The following HMGB1 variants were observed in gnomAD, a reference collection of about 807,000 sequenced individuals.
The protein encoded by HMGB1 is high mobility group protein B1.
For synonymous variants in HMGB1, 81 were observed against 84.0 expected (o/e 0.96, Z 0.19); for missense variants, 79 against 253.5 (o/e 0.31, Z 4.67).
At chr13:30,573,609 C>T (rs1018436577) in intron 1 of HMGB1, among the ~76,000 whole-genome samples, 17 of 150,456 alleles carry the variant, frequency 1.1e-4, no homozygotes, top group Admixed American at 9.9e-4. Flanking sequence ...CAAATAAATA[C>T]TGGAGAGGAA....
chr13:30,605,223 G>T (rs902628396), intron 1 of HMGB1, among the ~76,000 whole-genome samples: 35 of 152,344 alleles, frequency 2.3e-4, no homozygotes, highest in Non-Finnish European at 1.3e-4. Context: ...CCAAGTGAAT[G>T]TATCAGGTAG....
upstream of HMGB1, chr13:30,466,066 A>C (rs1886771362): frequency 1.9e-6 from 1 of 517,772 alleles, no homozygotes; most frequent in Non-Finnish European, 2.5e-6. Context: ...GTCATCAAGG[A>C]TTGAAACAGC....
At chr13:30,530,443 T>C (rs1324167615) in intron 1 of HMGB1, among the ~76,000 whole-genome samples, 1 of 152,218 alleles carries the variant, frequency 6.6e-6, no homozygotes, top group African/African-American at 2.4e-5. Flanking sequence ...AACTCATACA[T>C]GTACTGCTGG....
intron 1 of HMGB1, among the ~76,000 whole-genome samples, chr13:30,552,115 CTTTT>C (rs774864877): frequency 7.2e-5 from 11 of 152,136 alleles, no homozygotes; most frequent in Non-Finnish European, 1.5e-4. Context: ...TTCTCCTCTC[CTTTT>C]TTTATTTCAG....
At chr13:30,506,578 A>T (rs1566009448) in intron 1 of HMGB1, among the ~76,000 whole-genome samples, 1 of 152,096 alleles carries the variant, frequency 6.6e-6, no homozygotes, top group Non-Finnish European at 1.5e-5. Flanking sequence ...ACCTTCTGTC[A>T]GTCATTCTGC....
At chr13:30,502,542 G>A (rs1270290007) in intron 1 of HMGB1, among the ~76,000 whole-genome samples, 1 of 152,004 alleles carries the variant, frequency 6.6e-6, no homozygotes, top group African/African-American at 2.4e-5. Flanking sequence ...TGGATGTATA[G>A]GCACATCATA....
intron 1 of HMGB1, among the ~76,000 whole-genome samples, chr13:30,527,768 G>T (rs888324634): frequency 1.3e-5 from 2 of 152,030 alleles, no homozygotes; most frequent in Non-Finnish European, 2.9e-5. Context: ...CCAGAGAAGG[G>T]AATCAAAGCT....
intron 1 of HMGB1, among the ~76,000 whole-genome samples, chr13:30,505,245 C>T (rs1887827708): frequency 6.6e-6 from 1 of 152,014 alleles, no homozygotes; most frequent in African/African-American, 2.4e-5. Flanking sequence ...GTGGCGCCAT[C>T]TCAGCTCACT....
chr13:30,572,938 A>G (rs964263250), intron 1 of HMGB1, among the ~76,000 whole-genome samples: 2 of 152,242 alleles, frequency 1.3e-5, no homozygotes, highest in African/African-American at 4.8e-5. Context: ...TACAGATGCC[A>G]AGGGCTGACA....
At chr13:30,469,052 C>T (rs187420077), upstream of HMGB1, among the ~76,000 whole-genome samples, 8 of 152,186 alleles carry the variant, frequency 5.3e-5, no homozygotes, top group East Asian at 1.6e-3. Flanking sequence ...CACCACCATG[C>T]CTGGGTAATT....
Position 30,522,386 on chromosome 13 carries a change from G to T in HMGB1, c.-14-58692C>A, listed in dbSNP as rs186402328. 9.9e-4 allele frequency among the ~76,000 whole-genome samples: 150 copies of T among 152,238 alleles called. 1 individual carries two copies. Among genetic ancestry groups the T allele is most frequent in the Middle Eastern group, 6.8e-3 (2 of 294 alleles). ...CTTAAAGTGTTGGGATTATAGGTGT[G>T]AGCCACTGTGCCTGGACATAATCTC... On this transcript the variant is annotated intron_variant, in intron 1 of 4. Transcript: ENST00000405805.
At chr13:30,469,646 A>G (rs756733617), upstream of HMGB1, among the ~76,000 whole-genome samples, 28 of 57,218 alleles carry the variant, frequency 4.9e-4, 8 homozygotes, top group Non-Finnish European at 1.2e-3. Flanking sequence ...TTATTTATTT[A>G]TTTGAGACGG....
intron 1 of HMGB1, among the ~76,000 whole-genome samples, chr13:30,597,695 A>C (rs1043204178): frequency 6.6e-6 from 1 of 152,344 alleles, no homozygotes; most frequent in African/African-American, 2.4e-5. Flanking sequence ...TTTTTCTGCA[A>C]AAGGTCAGAT....
chr13:30,522,994 G>A (rs746290386), intron 1 of HMGB1, among the ~76,000 whole-genome samples: 18 of 152,176 alleles, frequency 1.2e-4, no homozygotes, highest in East Asian at 3.8e-4. Context: ...GATTACAGGC[G>A]TGAGCCACTG....
intron 1 of HMGB1, among the ~76,000 whole-genome samples, chr13:30,474,854 G>GTT (rs1275635810): frequency 3.0e-5 from 2 of 67,652 alleles, no homozygotes; most frequent in African/African-American, 5.1e-5. Context: ...CTCTTTTTTT[G>GTT]TTTTTTTTTT....
intron 1 of HMGB1, among the ~76,000 whole-genome samples, chr13:30,502,621 T>C (rs370024901): frequency 9.9e-5 from 15 of 151,338 alleles, no homozygotes; most frequent in Admixed American, 2.7e-4. Flanking sequence ...ATTATCTAGG[T>C]ATGCAGATTT....
At position 30,541,388 on chromosome 13, in the gene HMGB1, T is replaced by G. The variant is rs74969531; in HGVS notation, c.-15+75283A>C. Among the ~76,000 whole-genome samples, 900 of 152,310 alleles carry G rather than the reference T, an allele frequency of 5.9e-3. 11 individuals are homozygous for G. The highest frequency in any genetic ancestry group is 0.021 in the African/African-American group (875 of 41,576). On this transcript the variant is annotated intron_variant, in intron 1 of 4. Coordinates refer to the HMGB1 transcript ENST00000405805. ...GGGAAGTCTTAGCATTGATAAAACC[T>G]AAGATTTCCTGGAAGTAAGTGGGAA...
intron 1 of HMGB1, among the ~76,000 whole-genome samples, chr13:30,533,854 G>A (rs962006156): frequency 1.3e-5 from 2 of 150,272 alleles, no homozygotes; most frequent in African/African-American, 4.9e-5. Flanking sequence ...AGTAAATCCT[G>A]GTAAAGACTA....
chr13:30,539,095 C>T (rs1868737501), intron 1 of HMGB1, among the ~76,000 whole-genome samples: 2 of 152,124 alleles, frequency 1.3e-5, no homozygotes, highest in Admixed American at 1.3e-4. Context: ...TGCGGTTTCA[C>T]CATGTTGGCC....
Sources: gnomAD v4.1 joint callset for allele counts (sites outside exome capture counted in the v4.1 genomes callset) on GRCh38, gnomAD v4.1.1 for gene constraint, MANE v1.5 for transcripts, NCBI Gene and HGNC (gene_info 2026-07-23, HGNC 2026-07-21) for gene names.